GFRA1: variants seen among roughly 807,000 people sequenced by gnomAD.
GFRA1 encodes GDNF family receptor alpha 1.
Under a neutral mutation model 51.6 loss-of-function variants are expected in GFRA1, and 16 were observed. The observed-to-expected ratio is 0.31, with a 90% CI of 0.21 to 0.47. GFRA1 has a LOEUF of 0.47. GFRA1 is among the 20% of genes least tolerant of loss of function. The pLI, the probability that GFRA1 is intolerant of heterozygous loss-of-function variation, is 1.00. For missense variants in GFRA1, 530 were observed against 594.3 expected, an observed-to-expected ratio of 0.89 and a Z score of 1.13; for synonymous variants, 270 against 241.3, an observed-to-expected ratio of 1.12 and a Z score of -1.10.
chr10:116,182,468 T>C (rs1962329427), intron 5 of GFRA1, among the ~76,000 whole-genome samples: 1 of 152,160 alleles, frequency 6.6e-6, no homozygotes, highest in Admixed American at 6.5e-5. Context: ...CAAACACTTG[T>C]GAAAGTTGCA....
intron 5 of GFRA1, among the ~76,000 whole-genome samples, chr10:116,127,898 G>A (rs1051389993): frequency 6.6e-6 from 1 of 152,200 alleles, no homozygotes; most frequent in Non-Finnish European, 1.5e-5. Flanking sequence ...AGACTTTTAA[G>A]GCTGGGTACT....
chr10:116,064,379 T>C lies in GFRA1; in HGVS notation c.*19A>G. On this transcript the variant is annotated 3_prime_UTR_variant, in exon 11 of 11. Coordinates refer to ENST00000355422, the MANE Select transcript of GFRA1 (RefSeq NM_005264.8). Reference sequence around the variant, plus strand: ...GTTTTTGTCTTTTTACATGTCCATATTGTATTTTTTTAATGCAGCTATGAT... The same window carrying C: ...GTTTTTGTCTTTTTACATGTCCATACTGTATTTTTTTAATGCAGCTATGAT... The C allele has an allele frequency of 6.2e-7, 1 of 1,607,422 alleles. No homozygotes were observed. Among genetic ancestry groups the C allele is most frequent in the Non-Finnish European group, 8.5e-7 (1 of 1,175,878 alleles).
chr10:116,201,246 G>A (rs1964306174), intron 5 of GFRA1, among the ~76,000 whole-genome samples: 1 of 152,120 alleles, frequency 6.6e-6, no homozygotes. Flanking sequence ...AATGAAAGGA[G>A]TAATAAAAAT....
At chr10:116,143,833 C>T (rs144875306) in intron 5 of GFRA1, among the ~76,000 whole-genome samples, 201 of 152,264 alleles carry the variant, frequency 1.3e-3, no homozygotes, top group African/African-American at 4.6e-3. Context: ...ATATAAGGCT[C>T]AAGTATCCTG....
At chr10:116,110,498 G>T (rs1046753917) in intron 6 of GFRA1, among the ~76,000 whole-genome samples, 2 of 152,178 alleles carry the variant, frequency 1.3e-5, no homozygotes, top group African/African-American at 4.8e-5. Flanking sequence ...GTATTTGGTG[G>T]CATCTCTTAT....
At chr10:116,207,508 C>T (rs1472836440) in intron 5 of GFRA1, among the ~76,000 whole-genome samples, 6 of 152,148 alleles carry the variant, frequency 3.9e-5, no homozygotes, top group African/African-American at 1.4e-4. Context: ...GAAGGAGACA[C>T]AGTCCTACAA....
intron 5 of GFRA1, among the ~76,000 whole-genome samples, chr10:116,145,020 G>A (rs567775840): frequency 1.1e-4 from 16 of 151,412 alleles, no homozygotes; most frequent in Admixed American, 2.6e-4. Flanking sequence ...ATGGTGGTGC[G>A]CACCTGTAGT....
intron 5 of GFRA1, among the ~76,000 whole-genome samples, chr10:116,182,464 C>T (rs1291641027): frequency 1.3e-5 from 2 of 152,176 alleles, no homozygotes; most frequent in South Asian, 2.1e-4. Context: ...TAAACAAACA[C>T]TTGTGAAAGT....
chr10:116,272,208 G>T lies in GFRA1; in HGVS notation c.-179C>A. The T allele has an allele frequency of 3.1e-6, 2 of 651,710 alleles. No individual in the cohort carries two copies. The highest frequency in any genetic ancestry group is 5.4e-6 in the Non-Finnish European group (2 of 367,438). 40.4% of individuals were successfully genotyped at this position (651,710 alleles called of 1,614,324 possible). A position where few individuals can be genotyped will look rare whatever the true frequency, so the allele number is the denominator to read the frequency against. ...GGTCTGGCAGCAGCCACCGCCGCCGGCGACTCAGCTCCGGGATGGCGAGGG... is the reference window on the plus strand; with the variant it reads ...GGTCTGGCAGCAGCCACCGCCGCCGTCGACTCAGCTCCGGGATGGCGAGGG... On this transcript the variant is annotated 5_prime_UTR_variant, in exon 2 of 11. Transcript: ENST00000355422. This position sits in a 1 kb window ranked among gnomAD's most constrained non-coding sequence, Gnocchi z 4.4.
Position 116,093,771 on chromosome 10 carries a change from T to G in GFRA1, c.946A>C (p.Ser316Arg). 6.2e-7 allele frequency: 1 copy of G among 1,613,550 alleles called. No homozygotes were observed. Among genetic ancestry groups the G allele is most frequent in the Non-Finnish European group, 8.5e-7 (1 of 1,179,410 alleles). Reference sequence around the variant, plus strand: ...TCTTCTAGGTCGTTCCCACTGTTGCTGCAGTCACACCATGGGGCCACACTG... The same window carrying G: ...TCTTCTAGGTCGTTCCCACTGTTGCGGCAGTCACACCATGGGGCCACACTG... ...SLSVAPWCDCSNSGNDLEECL... is the reference protein window; with the variant it reads ...SLSVAPWCDCRNSGNDLEECL... The change falls in exon 8 of 11, where the codon AGC becomes CGC. Residue 316 changes from serine (S) to arginine (R), a missense_variant. Physicochemically the swap from Ser to Arg is moderately radical, Grantham distance 110. Transcript: ENST00000355422.
chr10:116,120,131 G>A (rs1324598058), intron 6 of GFRA1, among the ~76,000 whole-genome samples: 1 of 152,226 alleles, frequency 6.6e-6, no homozygotes, highest in African/African-American at 2.4e-5. Flanking sequence ...GGGACAGAGA[G>A]TTGGACACCA....
At position 116,110,627 on chromosome 10, in the gene GFRA1, A is replaced by C. The variant is rs979506382; in HGVS notation, c.771-13863T>G. On this transcript the variant is annotated intron_variant, in intron 6 of 10. Transcript: ENST00000355422. ...CTCATAAAATACCTCAGCATGCAGG[A>C]ACCCAGGACAGAGACTGTTCATCTT... 1.5e-4 allele frequency among the ~76,000 whole-genome samples: 23 copies of C among 152,200 alleles called. 1 individual carries two copies.
At chr10:116,207,879 A>G (rs958076024) in intron 5 of GFRA1, among the ~76,000 whole-genome samples, 5 of 152,010 alleles carry the variant, frequency 3.3e-5, no homozygotes, top group African/African-American at 1.2e-4. Flanking sequence ...GAGACAGCAG[A>G]GACTCTTGAA....
intron 5 of GFRA1, among the ~76,000 whole-genome samples, chr10:116,191,325 T>C (rs1376585171): frequency 6.6e-6 from 1 of 152,192 alleles, no homozygotes; most frequent in Non-Finnish European, 1.5e-5. Flanking sequence ...CTCTGTTCTT[T>C]CACATTGATA....
chr10:116,135,054 C>T (rs73368491), intron 5 of GFRA1, among the ~76,000 whole-genome samples: 1,740 of 152,276 alleles, frequency 0.011, 36 homozygotes, highest in African/African-American at 0.04. Flanking sequence ...TTGTGTTCAA[C>T]TAGCTTTGAA....
rs148109113 is a variant in GFRA1, at chr10:116,080,353, G to A, written c.1197+9388C>T. On this transcript the variant is annotated intron_variant, in intron 9 of 10. Coordinates refer to ENST00000355422, the MANE Select transcript of GFRA1 (RefSeq NM_005264.8). ...TGGTGGAGTGCACAGTTTCAACTCC[G>A]GCTTCCTTATGAGAAGTTTCACAGT... Among the ~76,000 whole-genome samples, 510 of 152,166 alleles carry A rather than the reference G, an allele frequency of 3.4e-3. 6 individuals carry two copies. Among genetic ancestry groups the A allele is most frequent in the African/African-American group, 0.012 (478 of 41,504 alleles).
Position 116,133,792 on chromosome 10 carries a change from A to T in GFRA1, c.434-8235T>A, listed in dbSNP as rs75030801. Among the ~76,000 whole-genome samples the T allele has an allele frequency of 6.7e-3, 1,023 of 152,382 alleles. 11 individuals are homozygous for T. Among genetic ancestry groups the T allele is most frequent in the African/African-American group, 0.023 (952 of 41,590 alleles). ...ATGATTTCAGCCCTGACCTGCAGGC[A>T]GAGCAAATGTAAAAGGTCCCTCCAA... On this transcript the variant is annotated intron_variant, in intron 5 of 10. Coordinates refer to ENST00000355422, the MANE Select transcript of GFRA1 (RefSeq NM_005264.8).
intron 5 of GFRA1, among the ~76,000 whole-genome samples, chr10:116,134,425 G>C (rs1235995244): frequency 6.6e-6 from 1 of 152,214 alleles, no homozygotes; most frequent in African/African-American, 2.4e-5. Flanking sequence ...CACAGTGACA[G>C]TCTGGGCTTC....
intron 5 of GFRA1, among the ~76,000 whole-genome samples, chr10:116,131,650 A>C (rs1379961854): frequency 6.6e-6 from 1 of 152,194 alleles, no homozygotes; most frequent in African/African-American, 2.4e-5. Context: ...AAGACTACAC[A>C]CAGAAGTACG....
Sources: gnomAD v4.1 joint callset for allele counts (sites outside exome capture counted in the v4.1 genomes callset) on GRCh38, gnomAD v4.1.1 for gene constraint, Gnocchi (gnomAD v3.1) non-coding constraint, MANE v1.5 for transcripts, NCBI Gene and HGNC (gene_info 2026-07-23, HGNC 2026-07-21) for gene names.